Variants in PPM1E observed in about 807,000 individuals in gnomAD.
The protein encoded by PPM1E is protein phosphatase 1E.
Under a neutral mutation model 65.9 loss-of-function variants are expected in PPM1E, and 20 were observed. That is an observed-to-expected ratio of 0.30 (90% confidence interval 0.21 to 0.44). The LOEUF (loss-of-function observed/expected upper bound fraction) is 0.44. Among genes scored for constraint, PPM1E ranks in the 20% least tolerant of loss-of-function variants. The probability of loss-of-function intolerance (pLI) is 1.00; values close to 1 mark genes in which losing one functional copy is unlikely to be tolerated. For synonymous variants in PPM1E, 352 were observed against 374.9 expected (o/e 0.94, Z 0.70); for missense variants, 713 against 953.1 (o/e 0.75, Z 3.32).
At chr17:58,888,423 G>A (rs1016150109) in intron 1 of PPM1E, among the ~76,000 whole-genome samples, 1 of 142,598 alleles carries the variant, frequency 7.0e-6, no homozygotes, top group South Asian at 2.2e-4. Flanking sequence ...AGAGTGCAGA[G>A]GCTCAATCTT....
intron 1 of PPM1E, among the ~76,000 whole-genome samples, chr17:58,950,237 C>T (rs1280681161): frequency 6.6e-6 from 1 of 152,110 alleles, no homozygotes. Context: ...TGGCGGGTGC[C>T]TGTAATCCAA....
At chr17:58,823,493 T>A (rs2050501248) in intron 1 of PPM1E, among the ~76,000 whole-genome samples, 1 of 152,202 alleles carries the variant, frequency 6.6e-6, no homozygotes. Flanking sequence ...TATAGGAGAA[T>A]GAATCTTATG....
At chr17:58,915,028 C>T (rs895469330) in intron 1 of PPM1E, among the ~76,000 whole-genome samples, 1 of 152,052 alleles carries the variant, frequency 6.6e-6, no homozygotes, top group African/African-American at 2.4e-5. Context: ...CAAATACATC[C>T]TATCAGTGGT....
intron 1 of PPM1E, among the ~76,000 whole-genome samples, chr17:58,792,475 G>T (rs1043149063): frequency 2.0e-5 from 3 of 151,294 alleles, no homozygotes; most frequent in Admixed American, 2.0e-4. Context: ...TGAGTAGCTG[G>T]GACTACAGGT....
chr17:58,845,875 GTC>G (rs2050766169), intron 1 of PPM1E, among the ~76,000 whole-genome samples: 1 of 152,022 alleles, frequency 6.6e-6, no homozygotes, highest in African/African-American at 2.4e-5. Flanking sequence ...GAGATGGAGT[GTC>G]ACCATGTTGG....
At chr17:58,950,321 A>G (rs924662808) in intron 1 of PPM1E, among the ~76,000 whole-genome samples, 4 of 152,172 alleles carry the variant, frequency 2.6e-5, no homozygotes, top group African/African-American at 9.7e-5. Context: ...AAATTGCACC[A>G]TTGCACTCCA....
chr17:58,862,605 C>T (rs1380630128), intron 1 of PPM1E, among the ~76,000 whole-genome samples: 1 of 152,132 alleles, frequency 6.6e-6, no homozygotes, highest in Non-Finnish European at 1.5e-5. Flanking sequence ...CTTGAAGGGG[C>T]TTTCAGGTAG....
intron 1 of PPM1E, among the ~76,000 whole-genome samples, chr17:58,846,552 A>G (rs1163200158): frequency 6.6e-6 from 1 of 152,210 alleles, no homozygotes; most frequent in Non-Finnish European, 1.5e-5. Context: ...TAGTTTGCTC[A>G]GAATGATGGT....
intron 1 of PPM1E, among the ~76,000 whole-genome samples, chr17:58,882,407 T>C (rs891952452): frequency 1.3e-5 from 2 of 152,126 alleles, no homozygotes; most frequent in Non-Finnish European, 2.9e-5. Context: ...ATTTTTTTTT[T>C]GAGACGGAGT....
intron 1 of PPM1E, among the ~76,000 whole-genome samples, chr17:58,939,157 C>T (rs962738573): frequency 6.6e-6 from 1 of 152,092 alleles, no homozygotes; most frequent in African/African-American, 2.4e-5. Flanking sequence ...TCAACCCTGT[C>T]CCCAGACACT....
intron 1 of PPM1E, among the ~76,000 whole-genome samples, chr17:58,804,038 C>T (rs575867940): frequency 6.6e-6 from 1 of 152,300 alleles, no homozygotes; most frequent in East Asian, 1.9e-4. Context: ...AAGCAGTCCT[C>T]CTGCCTCAGC....
intron 1 of PPM1E, among the ~76,000 whole-genome samples, chr17:58,778,686 C>T (rs2050019542): frequency 6.6e-6 from 1 of 151,592 alleles, no homozygotes; most frequent in Admixed American, 6.6e-5. Flanking sequence ...GAAATTACAA[C>T]TCTGATTCTC....
chr17:58,780,829 T>A (rs138750415), intron 1 of PPM1E, among the ~76,000 whole-genome samples: 1 of 152,330 alleles, frequency 6.6e-6, no homozygotes, highest in African/African-American at 2.4e-5. Flanking sequence ...ACCTACTGTC[T>A]TCTATGTTCC....
chr17:58,861,738 C>T (rs1312872971), intron 1 of PPM1E, among the ~76,000 whole-genome samples: 1 of 151,988 alleles, frequency 6.6e-6, no homozygotes, highest in Admixed American at 6.6e-5. Context: ...CCAGCCTGGG[C>T]AACATGGCGA....
At chr17:58,863,704 G>A (rs565906617) in intron 1 of PPM1E, among the ~76,000 whole-genome samples, 2 of 152,308 alleles carry the variant, frequency 1.3e-5, no homozygotes, top group African/African-American at 4.8e-5. Context: ...TTGAGCAATG[G>A]AAGTGGCTCT....
chr17:58,929,243 C>T (rs2051863214), intron 1 of PPM1E, among the ~76,000 whole-genome samples: 1 of 151,894 alleles, frequency 6.6e-6, no homozygotes, highest in Non-Finnish European at 1.5e-5. Flanking sequence ...ATACGAAGTT[C>T]AAGAAGAGAC....
intron 1 of PPM1E, among the ~76,000 whole-genome samples, chr17:58,816,750 ATATATATATAT>A (rs2050419865): frequency 1.5e-4 from 1 of 6,522 alleles, no homozygotes; most frequent in East Asian, 3.6e-3. Context: ...AAATATATAT[ATATATATATAT>A]ATATATATAT....
chr17:58,925,441 TTTTG>T (rs1190592723), intron 1 of PPM1E, among the ~76,000 whole-genome samples: 3 of 152,006 alleles, frequency 2.0e-5, no homozygotes, highest in Non-Finnish European at 4.4e-5. Context: ...TTTATTTCTT[TTTTG>T]TTTGTTTGTT....
At chr17:58,876,458 TGA>T (rs1307168276) in intron 1 of PPM1E, among the ~76,000 whole-genome samples, 4 of 152,188 alleles carry the variant, frequency 2.6e-5, no homozygotes, top group Admixed American at 1.3e-4. Context: ...TTCTACAATC[TGA>T]GAGTGATAAT....
Sources: gnomAD v4.1 joint callset for allele counts (sites outside exome capture counted in the v4.1 genomes callset) on GRCh38, gnomAD v4.1.1 for gene constraint, MANE v1.5 for transcripts, NCBI Gene and HGNC (gene_info 2026-07-23, HGNC 2026-07-21) for gene names.